PTPRN2: variants seen among roughly 807,000 people sequenced by gnomAD.
PTPRN2 encodes receptor-type tyrosine-protein phosphatase N2.
In PTPRN2, 74 loss-of-function variants were observed where a neutral mutation model predicts 118.8. The ratio of observed to expected loss-of-function variants is 0.62; its 90% CI spans 0.52 to 0.76. The LOEUF is 0.76. Ranked by LOEUF, PTPRN2 falls within the 30% of genes least tolerant of loss-of-function variation. PTPRN2 has a pLI of 0.00. For synonymous variants in PTPRN2, 641 were observed against 608.0 expected (o/e 1.05, Z -0.80); for missense variants, 1,481 against 1,394.4 (o/e 1.06, Z -0.99).
Position 158,078,444 on chromosome 7 carries a change from G to A in PTPRN2, c.1723+2854C>T, listed in dbSNP as rs192514796. Among the ~76,000 whole-genome samples the A allele has an allele frequency of 6.8e-4, 103 of 152,302 alleles. 1 individual carries two copies. Among genetic ancestry groups the A allele is most frequent in the Admixed American group, 4.2e-3 (65 of 15,308 alleles). On this transcript the variant is annotated intron_variant, in intron 11 of 22. Transcript: ENST00000389418. ...ACCACACGTCCTTCCATAGGTGTCC[G>A]CCCATCACCACAGGGCGTTTGTGAT...
chr7:157,614,058 G>T, intron 15 of PTPRN2: 1 of 471,456 alleles, frequency 2.1e-6, no homozygotes, highest in Non-Finnish European at 4.4e-6. Context: ...TCTGCAGCAG[G>T]ACTGCTCAAC....
At chr7:157,716,967 CG>C (rs1798951673) in intron 12 of PTPRN2, among the ~76,000 whole-genome samples, 3 of 83,204 alleles carry the variant, frequency 3.6e-5, no homozygotes, top group African/African-American at 1.9e-4. Context: ...TGCCTGGCCA[CG>C]TAGACTCTGA....
At chr7:158,342,269 C>T (rs1482217299) in intron 2 of PTPRN2, among the ~76,000 whole-genome samples, 8 of 145,704 alleles carry the variant, frequency 5.5e-5, no homozygotes, top group Middle Eastern at 3.5e-3. Flanking sequence ...GTCACTCACA[C>T]CCACACTCTC....
intron 11 of PTPRN2, among the ~76,000 whole-genome samples, chr7:157,910,215 G>A (rs555904025): frequency 1.3e-5 from 2 of 151,998 alleles, no homozygotes; most frequent in East Asian, 1.9e-4. Flanking sequence ...GATCACGCAC[G>A]TACACCGTGG....
chr7:158,272,665 G>A (rs1798593903), intron 3 of PTPRN2, among the ~76,000 whole-genome samples: 1 of 152,202 alleles, frequency 6.6e-6, no homozygotes, highest in African/African-American at 2.4e-5. Context: ...AAATCTCGGA[G>A]CACCAGGTGA....
intron 11 of PTPRN2, among the ~76,000 whole-genome samples, chr7:158,024,399 C>A (rs1807119175): frequency 1.3e-5 from 2 of 152,216 alleles, no homozygotes; most frequent in Non-Finnish European, 2.9e-5. Flanking sequence ...CGCTCTGCAG[C>A]CCTCCGTAAC....
In PTPRN2 at chr7:157,929,971, C is replaced by T. The variant is rs117119079; in HGVS notation, c.1724-31234G>A. ...GGGTCCAAGCCTGGACCTAGACACC[C>T]GTCCCAGCTCAGACGCTCAGCTCTG... On this transcript the variant is annotated intron_variant, in intron 11 of 22. Transcript: ENST00000389418. This position sits in a 1 kb window ranked among gnomAD's most constrained non-coding sequence, Gnocchi z 4.4. Among the ~76,000 whole-genome samples, 1,507 of 152,282 alleles carry T rather than the reference C, an allele frequency of 9.9e-3. 7 individuals carry two copies. The highest frequency in any genetic ancestry group is 0.016 in the Non-Finnish European group (1,080 of 68,022).
chr7:157,714,168 G>T (rs575120698), intron 12 of PTPRN2, among the ~76,000 whole-genome samples: 2 of 152,314 alleles, frequency 1.3e-5, no homozygotes, highest in African/African-American at 2.4e-5. Context: ...CACAGGTCAC[G>T]TTAGAAGGCT....
chr7:158,403,733 G>A (rs949479586), intron 2 of PTPRN2, among the ~76,000 whole-genome samples: 3 of 152,272 alleles, frequency 2.0e-5, no homozygotes, highest in Non-Finnish European at 4.4e-5. Context: ...GAGGGGTCCT[G>A]CACCCCCACT....
At chr7:158,186,473 C>A (rs1825150662) in intron 5 of PTPRN2, among the ~76,000 whole-genome samples, 1 of 152,216 alleles carries the variant, frequency 6.6e-6, no homozygotes, top group African/African-American at 2.4e-5. Flanking sequence ...CCTGGTCGTC[C>A]CCCAAGGCCG....
At chr7:158,536,864 G>T (rs1825679028) in intron 1 of PTPRN2, among the ~76,000 whole-genome samples, 1 of 152,162 alleles carries the variant, frequency 6.6e-6, no homozygotes, top group South Asian at 2.1e-4. Context: ...CAATAAGACG[G>T]GACTCAGGAA....
At chr7:158,568,782 T>C (rs1827806229) in intron 1 of PTPRN2, among the ~76,000 whole-genome samples, 1 of 151,732 alleles carries the variant, frequency 6.6e-6, no homozygotes, top group Non-Finnish European at 1.5e-5. Context: ...TAAAAATGTT[T>C]AAATAAAAAA....
chr7:157,672,145 C>T (rs1376988656), intron 13 of PTPRN2, among the ~76,000 whole-genome samples: 3 of 152,064 alleles, frequency 2.0e-5, no homozygotes, highest in Non-Finnish European at 4.4e-5. Context: ...GATTTGAAAT[C>T]TCAAGATGTG....
rs9638055 is a variant in PTPRN2, at chr7:157,587,222, A to G, written c.2496+8016T>C. On this transcript the variant is annotated intron_variant, in intron 17 of 22. Coordinates refer to ENST00000389418, the MANE Select transcript of PTPRN2 (RefSeq NM_002847.5). This position sits in a 1 kb window ranked among gnomAD's most constrained non-coding sequence, Gnocchi z 5.3. ...AGGCAGGCAGACAGAGACAAGACAC[A>G]CAGGCAGACAGGCAGACAGCGAGAC... Among the ~76,000 whole-genome samples, 41,201 of 151,542 alleles carry G rather than the reference A, an allele frequency of 0.27. 6,730 individuals are homozygous for G. Among genetic ancestry groups the G allele is most frequent in the African/African-American group, 0.46 (18,779 of 41,268 alleles).
intron 11 of PTPRN2, among the ~76,000 whole-genome samples, chr7:158,071,336 G>C (rs1389862984): frequency 8.1e-6 from 1 of 124,208 alleles, no homozygotes; most frequent in Non-Finnish European, 1.7e-5. Flanking sequence ...TGCCCATGGT[G>C]GTGGAGGTGC....
At chr7:158,267,652 T>C (rs902084743) in intron 3 of PTPRN2, among the ~76,000 whole-genome samples, 34 of 152,220 alleles carry the variant, frequency 2.2e-4, no homozygotes, top group African/African-American at 8.0e-4. Context: ...GTTAGAGCCG[T>C]TGTGGGCACA....
chr7:157,751,454 T>C (rs2150987721), intron 12 of PTPRN2, among the ~76,000 whole-genome samples: 1 of 152,280 alleles, frequency 6.6e-6, no homozygotes, highest in Non-Finnish European at 1.5e-5. Flanking sequence ...AGGCTGAGCG[T>C]GTGCAGGGAA....
Position 157,893,416 on chromosome 7 carries a change from G to C in PTPRN2, c.1788+5257C>G, listed in dbSNP as rs900408342. ...GGAGAACCTTCCTTCCCACATATGA[G>C]ATGGGTGGGCATCAGGAGTGGGCAG... On this transcript the variant is annotated intron_variant, in intron 12 of 22. Transcript: ENST00000389418. The surrounding 1 kb of genome is among the most constrained non-coding windows in gnomAD (Gnocchi z 4.0). 6.6e-6 allele frequency among the ~76,000 whole-genome samples: 1 copy of C among 152,232 alleles called. No individual in the cohort carries two copies. The highest frequency in any genetic ancestry group is 1.9e-4 in the East Asian group (1 of 5,196).
At chr7:157,781,052 C>T (rs892238797) in intron 12 of PTPRN2, among the ~76,000 whole-genome samples, 2 of 152,196 alleles carry the variant, frequency 1.3e-5, no homozygotes, top group African/African-American at 2.4e-5. Flanking sequence ...CCACATGCGG[C>T]TCCTTCTAGC....
Sources: gnomAD v4.1 joint callset for allele counts (sites outside exome capture counted in the v4.1 genomes callset) on GRCh38, gnomAD v4.1.1 for gene constraint, Gnocchi (gnomAD v3.1) non-coding constraint, MANE v1.5 for transcripts, NCBI Gene and HGNC (gene_info 2026-07-23, HGNC 2026-07-21) for gene names.